Variants in DLGAP2 observed in about 807,000 individuals in gnomAD.
The protein encoded by DLGAP2 is DLG associated protein 2.
In DLGAP2, 26 loss-of-function variants were observed where a neutral mutation model predicts 100.3. The ratio of observed to expected loss-of-function variants is 0.26; its 90% CI spans 0.19 to 0.36. The LOEUF is 0.36. Ranked by LOEUF, DLGAP2 falls within the 10% of genes least tolerant of loss-of-function variation. The pLI is 1.00. For synonymous variants in DLGAP2, 886 were observed against 630.1 expected, an observed-to-expected ratio of 1.41 and a Z score of -6.08; for missense variants, 1,858 against 1,453.2, an observed-to-expected ratio of 1.28 and a Z score of -4.53.
intron 2 of DLGAP2, among the ~76,000 whole-genome samples, chr8:1,096,567 G>C (rs1156716614): frequency 2.0e-5 from 3 of 151,592 alleles, no homozygotes; most frequent in Non-Finnish European, 4.4e-5. Flanking sequence ...GGAGAGTCAA[G>C]CTGGGAGCCT....
intron 3 of DLGAP2, among the ~76,000 whole-genome samples, chr8:1,346,466 G>T (rs1391436467): frequency 6.7e-6 from 1 of 150,342 alleles, no homozygotes; most frequent in African/African-American, 2.5e-5. Flanking sequence ...CAGCTATGTG[G>T]AGGTTGTGTT....
chr8:901,403 C>G (rs995180457), intron 1 of DLGAP2, among the ~76,000 whole-genome samples: 2 of 152,216 alleles, frequency 1.3e-5, no homozygotes, highest in Admixed American at 6.5e-5. Context: ...AGGTGAATCT[C>G]TTTATTGATA....
intron 8 of DLGAP2, among the ~76,000 whole-genome samples, chr8:1,647,794 C>T (rs1798076943): frequency 2.6e-5 from 4 of 152,270 alleles, no homozygotes; most frequent in African/African-American, 7.2e-5. Flanking sequence ...TTATGAACCC[C>T]AGAGATTTAT....
intron 1 of DLGAP2, among the ~76,000 whole-genome samples, chr8:761,387 A>C (rs1821078880): frequency 6.6e-6 from 1 of 152,214 alleles, no homozygotes; most frequent in Non-Finnish European, 1.5e-5. Flanking sequence ...AGCAGACTGC[A>C]GTTCTATTGC....
intron 12 of DLGAP2, among the ~76,000 whole-genome samples, chr8:1,691,010 C>T (rs374839304): frequency 3.9e-5 from 6 of 152,170 alleles, no homozygotes; most frequent in East Asian, 3.9e-4. Context: ...GTAACACACA[C>T]CTCACAGCAC....
intron 2 of DLGAP2, among the ~76,000 whole-genome samples, chr8:1,192,067 T>G (rs983310904): frequency 6.6e-6 from 1 of 152,222 alleles, no homozygotes; most frequent in Non-Finnish European, 1.5e-5. Flanking sequence ...CAGGGCTCTC[T>G]GAGATGGATT....
In DLGAP2 at chr8:1,335,896, C is replaced by T. The variant is rs559429453; in HGVS notation, c.106+77013C>T. Among the ~76,000 whole-genome samples, 14 of 151,718 alleles carry T rather than the reference C, an allele frequency of 9.2e-5. No individual in the cohort carries two copies. In the South Asian group the frequency reaches 2.5e-3, roughly 27 times the overall value. On this transcript the variant is annotated intron_variant, in intron 3 of 14. Transcript: ENST00000637795. ...GCAGAGCCGGGGCTGCGCGTGGTGA[C>T]GCGGGAGGCATCAGGACCCTAGAGC...
At chr8:1,506,163 G>C (rs1304915076) in intron 4 of DLGAP2, among the ~76,000 whole-genome samples, 1 of 152,126 alleles carries the variant, frequency 6.6e-6, no homozygotes. Context: ...GTGCACCAAT[G>C]TCTCATTCTA....
intron 2 of DLGAP2, among the ~76,000 whole-genome samples, chr8:1,134,007 C>T (rs1366247698): frequency 2.0e-5 from 3 of 152,096 alleles, no homozygotes; most frequent in Non-Finnish European, 1.5e-5. Flanking sequence ...CCCCCTCCAC[C>T]TCCCACAGGC....
At chr8:1,377,237 G>C (rs1397542135) in intron 3 of DLGAP2, among the ~76,000 whole-genome samples, 1 of 152,234 alleles carries the variant, frequency 6.6e-6, no homozygotes, top group Non-Finnish European at 1.5e-5. Context: ...CCAGCCAGGA[G>C]GGGGCTGCTT....
intron 3 of DLGAP2, among the ~76,000 whole-genome samples, chr8:1,266,172 G>A (rs1242896471): frequency 3.9e-5 from 6 of 152,218 alleles, no homozygotes; most frequent in Non-Finnish European, 7.3e-5. Flanking sequence ...ATTCCCAACA[G>A]GGACGCTGTC....
Position 774,430 on chromosome 8 carries a change from A to G in DLGAP2, c.18+36605A>G, listed in dbSNP as rs559463285. ...AGACATGAAGTCCTTGCCTATGCCTATGTCCTGAATGGCAATGCCTAGGTT... is the reference window on the plus strand; with the variant it reads ...AGACATGAAGTCCTTGCCTATGCCTGTGTCCTGAATGGCAATGCCTAGGTT... On this transcript the variant is annotated intron_variant, in intron 1 of 14. Transcript: ENST00000637795. Among the ~76,000 whole-genome samples, 19 of 152,318 alleles carry G rather than the reference A, an allele frequency of 1.2e-4. No homozygotes were observed. In the South Asian group the frequency reaches 3.5e-3, roughly 28 times the overall value.
chr8:1,274,407 A>C (rs1033754981), intron 3 of DLGAP2, among the ~76,000 whole-genome samples: 9 of 150,878 alleles, frequency 6.0e-5, no homozygotes, highest in Non-Finnish European at 1.3e-4. Flanking sequence ...ATAAACCATA[A>C]AATGAGTGAC....
At chr8:999,975 G>C (rs111821748) in intron 2 of DLGAP2, among the ~76,000 whole-genome samples, 3 of 146,470 alleles carry the variant, frequency 2.0e-5, no homozygotes, top group African/African-American at 2.5e-5. Context: ...GATCCGGGTG[G>C]AGGTGGTTTT....
At chr8:1,218,611 A>C (rs1276305778) in intron 2 of DLGAP2, among the ~76,000 whole-genome samples, 2 of 152,074 alleles carry the variant, frequency 1.3e-5, no homozygotes, top group East Asian at 3.8e-4. Context: ...TTTTGTGGCT[A>C]TTCAGGCTCT....
At chr8:1,666,121 C>T (rs1798538386) in intron 8 of DLGAP2, among the ~76,000 whole-genome samples, 1 of 152,216 alleles carries the variant, frequency 6.6e-6, no homozygotes. Context: ...CACTACTGGC[C>T]TTTGGGATGG....
At chr8:882,364 C>T (rs1481247525) in intron 1 of DLGAP2, among the ~76,000 whole-genome samples, 4 of 150,436 alleles carry the variant, frequency 2.7e-5, no homozygotes, top group Non-Finnish European at 4.4e-5. Flanking sequence ...GCCTCCCCTG[C>T]GCGCACCCTC....
chr8:1,238,265 G>GTGCCGTGTC, intron 2 of DLGAP2, among the ~76,000 whole-genome samples: 1 of 47,782 alleles, frequency 2.1e-5, no homozygotes, highest in Non-Finnish European at 3.9e-5. Context: ...CTCTCACATG[G>GTGCCGTGTC]TACCGTGTCT....
chr8:1,246,449 C>G (rs931984909), intron 2 of DLGAP2, among the ~76,000 whole-genome samples: 5 of 152,356 alleles, frequency 3.3e-5, no homozygotes, highest in Middle Eastern at 3.4e-3. Flanking sequence ...GGGACCTTCT[C>G]CTCAGTGTGT....
Sources: gnomAD v4.1 joint callset for allele counts (sites outside exome capture counted in the v4.1 genomes callset) on GRCh38, gnomAD v4.1.1 for gene constraint, MANE v1.5 for transcripts, NCBI Gene and HGNC (gene_info 2026-07-23, HGNC 2026-07-21) for gene names.